The following OXR1 variants were observed in gnomAD, a reference collection of about 807,000 sequenced individuals.
OXR1 encodes oxidation resistance 1, also known as oxidation resistance protein 1.
Under a neutral mutation model 104.6 loss-of-function variants are expected in OXR1, and 41 were observed. The ratio of observed to expected loss-of-function variants is 0.39; its 90% CI spans 0.31 to 0.51. The LOEUF is 0.51. Among genes scored for constraint, OXR1 ranks in the 20% least tolerant of loss-of-function variants. OXR1 has a pLI of 0.77. For synonymous variants in OXR1, 348 were observed against 348.4 expected, an observed-to-expected ratio of 1.00 and a Z score of 0.01; for missense variants, 955 against 1,031.9, an observed-to-expected ratio of 0.93 and a Z score of 1.02.
chr8:106,531,160 A>C (rs1216793558), intron 3 of OXR1, among the ~76,000 whole-genome samples: 2 of 152,226 alleles, frequency 1.3e-5, no homozygotes, highest in African/African-American at 2.4e-5. Context: ...TTAATTTGAT[A>C]AGCCTCTTTC....
intron 1 of OXR1, among the ~76,000 whole-genome samples, chr8:106,357,493 A>C (rs1816022624): frequency 1.3e-5 from 2 of 152,160 alleles, no homozygotes; most frequent in Non-Finnish European, 2.9e-5. Context: ...GGTCCAGCTA[A>C]AATTAGAATT....
Position 106,551,809 on chromosome 8 carries a change from T to C in OXR1, c.220+32670T>C, listed in dbSNP as rs572410787. Among the ~76,000 whole-genome samples the C allele has an allele frequency of 8.8e-3, 1,160 of 132,498 alleles. 31 individuals carry two copies. Among genetic ancestry groups the C allele is most frequent in the East Asian group, 0.059 (258 of 4,384 alleles). 86.9% of individuals were successfully genotyped at this position (132,498 alleles called of 152,430 possible). A position where few individuals can be genotyped will look rare whatever the true frequency, so the allele number is the denominator to read the frequency against. ...CTATACATATATATATATATATATATATATACACACACACACACATATATA... is the reference window on the plus strand; with the variant it reads ...CTATACATATATATATATATATATACATATACACACACACACACATATATA... On this transcript the variant is annotated intron_variant, in intron 3 of 16. Coordinates refer to ENST00000517566, the MANE Select transcript of OXR1 (RefSeq NM_001198533.2).
chr8:106,423,886 C>G (rs1819002846), intron 2 of OXR1, among the ~76,000 whole-genome samples: 1 of 152,122 alleles, frequency 6.6e-6, no homozygotes, highest in Non-Finnish European at 1.5e-5. Flanking sequence ...TTCTTCCAAG[C>G]AGTCTTTTAA....
chr8:106,324,712 T>C (rs16874388), intron 1 of OXR1, among the ~76,000 whole-genome samples: 51,561 of 151,916 alleles, frequency 0.34, 11,260 homozygotes, highest in African/African-American at 0.63. Flanking sequence ...GTTGAGTGCT[T>C]ACCCTGTGCC....
chr8:106,441,056 T>G (rs960195452), intron 2 of OXR1, among the ~76,000 whole-genome samples: 4 of 152,110 alleles, frequency 2.6e-5, no homozygotes, highest in Non-Finnish European at 5.9e-5. Flanking sequence ...TTTTGTGTTT[T>G]ACATTTAAGT....
chr8:106,310,069 A>G (rs1251017569), intron 1 of OXR1, among the ~76,000 whole-genome samples: 3 of 151,908 alleles, frequency 2.0e-5, no homozygotes, highest in Admixed American at 1.3e-4. Flanking sequence ...GATTTTAAAT[A>G]TATATTTTCC....
At chr8:106,722,796 T>C (rs1302182892) in intron 11 of OXR1, among the ~76,000 whole-genome samples, 5 of 152,204 alleles carry the variant, frequency 3.3e-5, no homozygotes, top group Admixed American at 6.5e-5. Flanking sequence ...TCAGAACATA[T>C]CCCTGTCATT....
At chr8:106,656,619 C>G (rs924730523) in intron 3 of OXR1, among the ~76,000 whole-genome samples, 1 of 152,134 alleles carries the variant, frequency 6.6e-6, no homozygotes, top group Non-Finnish European at 1.5e-5. Context: ...ACCCTGAAAA[C>G]ATGGATTGCT....
At chr8:106,549,410 GA>G (rs1218113773) in intron 3 of OXR1, among the ~76,000 whole-genome samples, 2 of 152,056 alleles carry the variant, frequency 1.3e-5, no homozygotes, top group East Asian at 3.8e-4. Flanking sequence ...AATAAATATT[GA>G]ATATTAGCAA....
chr8:106,465,052 A>G (rs933408230), intron 2 of OXR1, among the ~76,000 whole-genome samples: 5 of 152,042 alleles, frequency 3.3e-5, no homozygotes, highest in African/African-American at 1.2e-4. Context: ...AGTATGTTAA[A>G]TAATTTTCAG....
chr8:106,699,981 C>T (rs1830442372), intron 7 of OXR1, among the ~76,000 whole-genome samples: 1 of 152,036 alleles, frequency 6.6e-6, no homozygotes, highest in Admixed American at 6.6e-5. Context: ...ATGATTTTAT[C>T]TCTTAGTATT....
chr8:106,752,087 G>A lies in OXR1; in HGVS notation c.*1146G>A, dbSNP rs930009733. 12 of 152,458 alleles carry A rather than the reference G, an allele frequency of 7.9e-5. No individual in the cohort carries two copies. The highest frequency in any genetic ancestry group is 7.2e-4 in the Admixed American group (11 of 15,272). The allele number at this position is 152,458 out of a possible 1,614,324, so 9.4% of individuals were successfully genotyped here. A position where few individuals can be genotyped will look rare whatever the true frequency, so the allele number is the denominator to read the frequency against. On this transcript the variant is annotated 3_prime_UTR_variant, in exon 17 of 17. Transcript: ENST00000517566. ...TAGGAAACCAATAATAGCCATTGTGGCAATAATTCATCAGTTGATTTTAAA... is the reference window on the plus strand; with the variant it reads ...TAGGAAACCAATAATAGCCATTGTGACAATAATTCATCAGTTGATTTTAAA...
chr8:106,567,096 C>T (rs1342752493), intron 3 of OXR1, among the ~76,000 whole-genome samples: 2 of 151,966 alleles, frequency 1.3e-5, no homozygotes, highest in African/African-American at 2.4e-5. Flanking sequence ...CACATGTATC[C>T]CATAATTTAA....
chr8:106,541,663 G>C (rs1168812397), intron 3 of OXR1, among the ~76,000 whole-genome samples: 1 of 152,130 alleles, frequency 6.6e-6, no homozygotes. Flanking sequence ...TAAATTGGTG[G>C]CTGATACCTG....
chr8:106,310,506 C>T (rs1429585491), intron 1 of OXR1, among the ~76,000 whole-genome samples: 2 of 152,062 alleles, frequency 1.3e-5, no homozygotes, highest in East Asian at 3.9e-4. Flanking sequence ...GGATTTTCTC[C>T]CCTTGGGGTT....
At chr8:106,707,254 G>T in intron 9 of OXR1, 109 bp downstream of exon 9, 2 of 889,152 alleles carry the variant, frequency 2.2e-6, no homozygotes, top group Non-Finnish European at 1.8e-6. Context: ...AAGGATAAGT[G>T]AGTGACCCTT....
At chr8:106,417,324 G>T (rs1818719693) in intron 2 of OXR1, among the ~76,000 whole-genome samples, 1 of 152,144 alleles carries the variant, frequency 6.6e-6, no homozygotes, top group Non-Finnish European at 1.5e-5. Context: ...ACATGGTTAT[G>T]AGGATAAATT....
At chr8:106,686,291 A>C (rs1218228311) in intron 6 of OXR1, among the ~76,000 whole-genome samples, 1 of 147,608 alleles carries the variant, frequency 6.8e-6, no homozygotes, top group Non-Finnish European at 1.5e-5. Flanking sequence ...AATAATTAAA[A>C]AAAAAAAAAA....
intron 9 of OXR1, among the ~76,000 whole-genome samples, chr8:106,709,188 G>A (rs1016521760): frequency 6.7e-6 from 1 of 149,490 alleles, no homozygotes; most frequent in Non-Finnish European, 1.5e-5. Context: ...CAATATATCT[G>A]TCTTTCTTAT....
Sources: gnomAD v4.1 joint callset for allele counts (sites outside exome capture counted in the v4.1 genomes callset) on GRCh38, gnomAD v4.1.1 for gene constraint, MANE v1.5 for transcripts, NCBI Gene and HGNC (gene_info 2026-07-23, HGNC 2026-07-21) for gene names.